SMYD3: variants seen among roughly 807,000 people sequenced by gnomAD.
SMYD3 encodes histone-lysine N-methyltransferase SMYD3.
SMYD3 carries 36 observed loss-of-function variants against 57.7 expected under a neutral mutation model. The observed-to-expected ratio is 0.62, with a 90% CI of 0.48 to 0.82. The LOEUF (loss-of-function observed/expected upper bound fraction) is 0.82, where lower values mean the gene tolerates loss of function less well. Among genes scored for constraint, SMYD3 ranks in the 40% least tolerant of loss-of-function variants. The pLI, the probability that SMYD3 is intolerant of heterozygous loss-of-function variation, is 0.00. For synonymous variants in SMYD3, 211 were observed against 195.0 expected, an observed-to-expected ratio of 1.08 and a Z score of -0.68; for missense variants, 515 against 538.8, an observed-to-expected ratio of 0.96 and a Z score of 0.44.
At chr1:246,192,591 A>G (rs565951941) in intron 5 of SMYD3, among the ~76,000 whole-genome samples, 1 of 152,316 alleles carries the variant, frequency 6.6e-6, no homozygotes, top group East Asian at 1.9e-4. Flanking sequence ...ATTCGCAGTT[A>G]ATGTAAATGC....
intron 8 of SMYD3, among the ~76,000 whole-genome samples, chr1:245,891,284 CTAACA>C (rs1224894176): frequency 6.6e-6 from 1 of 152,158 alleles, no homozygotes; most frequent in Non-Finnish European, 1.5e-5. Flanking sequence ...CCCATTTATC[CTAACA>C]TGATTATTAC....
chr1:246,044,846 T>C lies in SMYD3; in HGVS notation c.532-114909A>G, dbSNP rs7539516. 7.2e-3 allele frequency among the ~76,000 whole-genome samples: 1,097 copies of C among 152,270 alleles called. 10 individuals carry two copies. Among genetic ancestry groups the C allele is most frequent in the South Asian group, 0.034 (163 of 4,824 alleles). On this transcript the variant is annotated intron_variant, in intron 5 of 11. Coordinates refer to ENST00000490107, the MANE Select transcript of SMYD3 (RefSeq NM_001167740.2). ...AGCCATTTTTATTAAAATGACAAACTGGACTAGGATAACCATTATTGACTC... is the reference window on the plus strand; with the variant it reads ...AGCCATTTTTATTAAAATGACAAACCGGACTAGGATAACCATTATTGACTC...
intron 5 of SMYD3, among the ~76,000 whole-genome samples, chr1:245,996,895 A>T (rs151085309): frequency 1.8e-4 from 27 of 152,356 alleles, no homozygotes; most frequent in African/African-American, 6.5e-4. Context: ...TTCTTTAGCA[A>T]GATGCCTCTG....
intron 1 of SMYD3, among the ~76,000 whole-genome samples, chr1:246,356,697 G>A (rs2065914230): frequency 6.6e-6 from 1 of 152,144 alleles, no homozygotes; most frequent in Non-Finnish European, 1.5e-5. Context: ...AAGTACTTCT[G>A]AGCTTGAAGA....
chr1:245,790,214 GA>G (rs1016853189), intron 10 of SMYD3, among the ~76,000 whole-genome samples: 1 of 152,154 alleles, frequency 6.6e-6, no homozygotes, highest in African/African-American at 2.4e-5. Flanking sequence ...TTAGGCTGAT[GA>G]AAAAACAGTA....
At chr1:246,175,968 T>C (rs6688402) in intron 5 of SMYD3, among the ~76,000 whole-genome samples, 208 of 152,326 alleles carry the variant, frequency 1.4e-3, no homozygotes, top group African/African-American at 4.9e-3. Context: ...AAAAGCAATT[T>C]GTACTGACTC....
intron 5 of SMYD3, among the ~76,000 whole-genome samples, chr1:246,144,978 T>C (rs1327132403): frequency 6.6e-6 from 1 of 152,186 alleles, no homozygotes; most frequent in East Asian, 1.9e-4. Context: ...CTAATAGTTT[T>C]GTATAGTGGA....
At chr1:246,074,208 T>C (rs2060505572) in intron 5 of SMYD3, among the ~76,000 whole-genome samples, 1 of 152,112 alleles carries the variant, frequency 6.6e-6, no homozygotes. Context: ...CAGAAGGATA[T>C]CTAGATAAGA....
At position 246,327,247 on chromosome 1, in the gene SMYD3, G is replaced by C; in HGVS notation, c.485C>G (p.Ala162Gly). 6.2e-7 allele frequency: 1 copy of C among 1,614,084 alleles called. No individual in the cohort carries two copies. The highest frequency in any genetic ancestry group is 8.5e-7 in the Non-Finnish European group (1 of 1,179,962). ...QHFMREEIQD[A>G]SQLPPAFDLF... is the part of the protein sequence containing the mutation. ...GTCAAAGGCAGGTGGCAGCTGAGAG[G>C]CATCCTGTATTTCTTCTCTCATGAA... The change falls in exon 5 of 12, where the codon GCC (alanine) becomes GGC (glycine). Residue 162 changes from alanine to glycine, a missense_variant. Ala to Gly is a moderately conservative substitution (Grantham distance 60, BLOSUM62 0). Coordinates refer to ENST00000490107, the MANE Select transcript of SMYD3 (RefSeq NM_001167740.2).
At chr1:246,304,009 T>C (rs2064938341) in intron 5 of SMYD3, among the ~76,000 whole-genome samples, 1 of 152,180 alleles carries the variant, frequency 6.6e-6, no homozygotes, top group African/African-American at 2.4e-5. Flanking sequence ...CAGTTGGAAA[T>C]AAGTTCAGGA....
intron 10 of SMYD3, among the ~76,000 whole-genome samples, chr1:245,853,758 T>C (rs928521651): frequency 6.6e-6 from 1 of 152,112 alleles, no homozygotes; most frequent in Non-Finnish European, 1.5e-5. Flanking sequence ...TAAAAACGAA[T>C]GGGGCTGCTA....
At chr1:246,277,458 A>ACAC (rs200139272) in intron 5 of SMYD3, among the ~76,000 whole-genome samples, 4 of 152,158 alleles carry the variant, frequency 2.6e-5, no homozygotes, top group South Asian at 4.1e-4. Flanking sequence ...AAACAAGCAA[A>ACAC]CACCACCACC....
intron 10 of SMYD3, among the ~76,000 whole-genome samples, chr1:245,845,145 CTTCTCA>C (rs1307327865): frequency 2.0e-5 from 3 of 152,114 alleles, no homozygotes; most frequent in African/African-American, 4.8e-5. Context: ...TCTACGTATT[CTTCTCA>C]TTAAGTCTTT....
chr1:246,394,317 C>T (rs1215095528), intron 1 of SMYD3, among the ~76,000 whole-genome samples: 2 of 152,218 alleles, frequency 1.3e-5, no homozygotes, highest in African/African-American at 4.8e-5. Flanking sequence ...CCAATATACA[C>T]TGTGAGAGAA....
chr1:246,298,375 T>C (rs1172822216), intron 5 of SMYD3, among the ~76,000 whole-genome samples: 1 of 152,126 alleles, frequency 6.6e-6, no homozygotes, highest in Non-Finnish European at 1.5e-5. Context: ...AAAATCATAT[T>C]AAAGCTTACA....
intron 5 of SMYD3, among the ~76,000 whole-genome samples, chr1:246,024,287 T>A (rs538954586): frequency 6.6e-5 from 10 of 152,242 alleles, no homozygotes; most frequent in African/African-American, 1.9e-4. Flanking sequence ...AGGTTAAAGA[T>A]GTATTGGTGG....
At chr1:246,264,501 C>T (rs754214438) in intron 5 of SMYD3, among the ~76,000 whole-genome samples, 9 of 152,134 alleles carry the variant, frequency 5.9e-5, no homozygotes, top group South Asian at 2.1e-4. Flanking sequence ...TGATGAAAGA[C>T]GGTAACTTTT....
chr1:246,042,004 G>C (rs1229253994), intron 5 of SMYD3, among the ~76,000 whole-genome samples: 3 of 152,136 alleles, frequency 2.0e-5, no homozygotes, highest in Non-Finnish European at 4.4e-5. Context: ...TTGAGAAAAT[G>C]ATGGATTCAA....
intron 9 of SMYD3, 64 bp downstream of exon 9, chr1:245,863,735 A>G: frequency 6.7e-7 from 1 of 1,487,502 alleles, no homozygotes; most frequent in Non-Finnish European, 9.4e-7. Context: ...TCATTACGAC[A>G]GGGCTTCAAG....
Sources: gnomAD v4.1 joint callset for allele counts (sites outside exome capture counted in the v4.1 genomes callset) on GRCh38, gnomAD v4.1.1 for gene constraint, MANE v1.5 for transcripts, NCBI Gene and HGNC (gene_info 2026-07-23, HGNC 2026-07-21) for gene names.